CEP112: variants seen among roughly 807,000 people sequenced by gnomAD.
The protein encoded by CEP112 is centrosomal protein of 112 kDa.
A neutral mutation model predicts 153.0 loss-of-function variants in CEP112; 127 were observed. The observed-to-expected ratio is 0.83, with a 90% CI of 0.72 to 0.96. The LOEUF is 0.96. Among genes scored for constraint, CEP112 ranks in the 40% least tolerant of loss-of-function variants. CEP112 has a pLI of 0.00. For synonymous variants in CEP112, 358 were observed against 374.4 expected (o/e 0.96, Z 0.51); for missense variants, 1,089 against 1,101.2 (o/e 0.99, Z 0.16).
rs763469247 is a variant in CEP112, at chr17:65,851,891, G to T, written c.2307C>A (p.Val769=). Residue 769 remains valine (V), a synonymous_variant, in exon 21 of 27, where the codon GTC becomes GTA. Transcript: ENST00000535342. ...KQRATREHEI[V]VNKLKAESEK... is the part of the protein sequence containing the mutation. ...CTGATTCAGCCTTCAGTTTATTGAC[G>T]ACAATCTCATGTTCCCTTGTAGCCC... The T allele has an allele frequency of 6.2e-7, 1 of 1,613,982 alleles. No individual in the cohort carries two copies.
At chr17:65,870,604 A>T (rs1179986105) in intron 20 of CEP112, among the ~76,000 whole-genome samples, 1 of 152,218 alleles carries the variant, frequency 6.6e-6, no homozygotes, top group Non-Finnish European at 1.5e-5. Flanking sequence ...AATACCTTCA[A>T]ATTGCACTTT....
intron 23 of CEP112, among the ~76,000 whole-genome samples, chr17:65,740,734 C>A (rs189636426): frequency 6.6e-6 from 1 of 152,296 alleles, no homozygotes; most frequent in Admixed American, 6.5e-5. Flanking sequence ...AATATATCTG[C>A]AGACAAATGT....
chr17:66,177,118 G>A (rs1849578019), intron 2 of CEP112, 98 bp from the exon 3 acceptor site: 1 of 969,742 alleles, frequency 1.0e-6, no homozygotes, highest in Admixed American at 2.7e-5. Flanking sequence ...TCTAAAAGAA[G>A]GACCAACAAA....
chr17:65,852,588 AC>A (rs2058002737), intron 20 of CEP112, among the ~76,000 whole-genome samples: 2 of 146,130 alleles, frequency 1.4e-5, no homozygotes, highest in African/African-American at 5.1e-5. Flanking sequence ...ATTTTACCAT[AC>A]TTTTGGATCT....
chr17:65,698,053 C>G (rs1272657888), intron 23 of CEP112, among the ~76,000 whole-genome samples: 3 of 151,852 alleles, frequency 2.0e-5, no homozygotes, highest in African/African-American at 7.3e-5. Context: ...TTTTCACATT[C>G]CCAGCAACAC....
intron 21 of CEP112, among the ~76,000 whole-genome samples, chr17:65,777,479 C>A (rs2053748120): frequency 1.3e-5 from 2 of 152,142 alleles, no homozygotes; most frequent in South Asian, 4.1e-4. Context: ...GAGAACATAA[C>A]AATTTCACAT....
chr17:66,089,218 C>T (rs879337758), intron 8 of CEP112, among the ~76,000 whole-genome samples: 3 of 152,152 alleles, frequency 2.0e-5, no homozygotes, highest in Non-Finnish European at 4.4e-5. Flanking sequence ...AGCCAGTCTA[C>T]AAAGACTATA....
intron 12 of CEP112, among the ~76,000 whole-genome samples, chr17:66,031,773 T>C (rs2065498249): frequency 6.6e-6 from 1 of 151,982 alleles, no homozygotes; most frequent in Non-Finnish European, 1.5e-5. Context: ...AAGATTTAAT[T>C]AGTAGGAAAG....
chr17:65,921,709 A>G (rs1438840713), intron 19 of CEP112, among the ~76,000 whole-genome samples: 1 of 152,198 alleles, frequency 6.6e-6, no homozygotes, highest in African/African-American at 2.4e-5. Context: ...AAAAGAAAGA[A>G]AAATGGATGC....
At chr17:65,640,154 A>ATATATATATATTTTTTTTT (rs1300751452) in intron 25 of CEP112, among the ~76,000 whole-genome samples, 1 of 78,348 alleles carries the variant, frequency 1.3e-5, no homozygotes, top group African/African-American at 7.0e-5. Flanking sequence ...ATATATATAT[A>ATATATATATATTTTTTTTT]TTTTTTTTTT....
At chr17:65,938,502 A>G (rs34394302) in intron 18 of CEP112, among the ~76,000 whole-genome samples, 51,128 of 151,808 alleles carry the variant, frequency 0.34, 10,070 homozygotes, top group Non-Finnish European at 0.46. Flanking sequence ...ATCCTACTCA[A>G]TGGTGAAAAG....
chr17:65,935,367 C>A (rs1303959484), intron 18 of CEP112, among the ~76,000 whole-genome samples: 1 of 152,170 alleles, frequency 6.6e-6, no homozygotes, highest in Non-Finnish European at 1.5e-5. Flanking sequence ...AGATCATCCA[C>A]ATAGAACATC....
chr17:65,997,680 G>A (rs1415785842), intron 17 of CEP112, among the ~76,000 whole-genome samples: 1 of 151,248 alleles, frequency 6.6e-6, no homozygotes. Context: ...AACTTTATTG[G>A]TTTGTCTTTA....
intron 21 of CEP112, among the ~76,000 whole-genome samples, chr17:65,754,933 G>C (rs1041562939): frequency 6.6e-6 from 1 of 152,112 alleles, no homozygotes; most frequent in Admixed American, 6.5e-5. Context: ...CCTGTTGGGG[G>C]TTGCGGGGAG....
chr17:65,870,742 A>G (rs1354285472), intron 20 of CEP112, among the ~76,000 whole-genome samples: 1 of 152,232 alleles, frequency 6.6e-6, no homozygotes, highest in East Asian at 1.9e-4. Flanking sequence ...GGAAGATGTT[A>G]TTTGCAGCAT....
chr17:65,994,898 T>C (rs1598044461), intron 17 of CEP112, among the ~76,000 whole-genome samples: 1 of 152,154 alleles, frequency 6.6e-6, no homozygotes, highest in East Asian at 1.9e-4. Context: ...CTGGTGCCAT[T>C]GGCCTAATCA....
intron 23 of CEP112, among the ~76,000 whole-genome samples, chr17:65,715,969 G>A (rs1183492002): frequency 6.6e-6 from 1 of 152,160 alleles, no homozygotes; most frequent in Non-Finnish European, 1.5e-5. Flanking sequence ...GTAGGAGGAA[G>A]TTGATTACTT....
intron 20 of CEP112, among the ~76,000 whole-genome samples, chr17:65,865,935 A>C (rs574402997): frequency 2.1e-4 from 32 of 152,212 alleles, no homozygotes; most frequent in Non-Finnish European, 4.4e-4. Flanking sequence ...TGCGCTCTAC[A>C]CAGCCGGTGG....
At position 66,112,893 on chromosome 17, in the gene CEP112, C is replaced by T. The variant is rs533821716; in HGVS notation, c.643-16261G>A. Among the ~76,000 whole-genome samples, 193 of 152,200 alleles carry T rather than the reference C, an allele frequency of 1.3e-3. 1 individual carries two copies. Among genetic ancestry groups the T allele is most frequent in the Middle Eastern group, 6.8e-3 (2 of 294 alleles). The stretch of plus-strand genomic sequence containing the variant: ...CCCGAGAAGCGGAGGTTTCAGTGAG[C>T]CAAGATCATGTCATTGCACTCCAGC... On this transcript the variant is annotated intron_variant, in intron 6 of 26. Transcript: ENST00000535342.
Sources: allele counts gnomAD v4.1 joint callset (sites outside exome capture counted in the v4.1 genomes callset), GRCh38; gene constraint gnomAD v4.1.1; transcripts MANE v1.5; gene names NCBI Gene and HGNC (gene_info 2026-07-23, HGNC 2026-07-21).